WARS1: variants seen among roughly 807,000 people sequenced by gnomAD.
WARS1 encodes tryptophan--tRNA ligase, cytoplasmic.
WARS1 carries 17 observed loss-of-function variants against 47.8 expected under a neutral mutation model. The ratio of observed to expected loss-of-function variants is 0.36; its 90% CI spans 0.24 to 0.53. The LOEUF (loss-of-function observed/expected upper bound fraction) is 0.53. Ranked by LOEUF, WARS1 falls within the 20% of genes least tolerant of loss-of-function variation. WARS1 has a pLI of 0.91. For missense variants in WARS1, 434 were observed against 608.0 expected (o/e 0.71, Z 3.01); for synonymous variants, 208 against 228.1 (o/e 0.91, Z 0.79).
chr14:100,348,895 T>C (rs1894796651), intron 6 of WARS1, among the ~76,000 whole-genome samples: 1 of 152,224 alleles, frequency 6.6e-6, no homozygotes, highest in Admixed American at 6.5e-5. Flanking sequence ...GCTGCCACTG[T>C]GCTGGCTGCA....
At chr14:100,372,147 C>T (rs183026956) in intron 1 of WARS1, among the ~76,000 whole-genome samples, 28 of 152,206 alleles carry the variant, frequency 1.8e-4, no homozygotes, top group African/African-American at 6.3e-4. Context: ...AACGGCCCCA[C>T]TCCTATCTCC....
At chr14:100,341,493 T>C (rs1243715141) in intron 9 of WARS1, among the ~76,000 whole-genome samples, 1 of 152,304 alleles carries the variant, frequency 6.6e-6, no homozygotes, top group East Asian at 1.9e-4. Context: ...AGAGGGCATG[T>C]GACATGCCTC....
chr14:100,372,746 A>G lies in WARS1; in HGVS notation c.-74+2537T>C, dbSNP rs575595278. 7.9e-5 allele frequency among the ~76,000 whole-genome samples: 12 copies of G among 152,310 alleles called. No individual in the cohort carries two copies. The South Asian group carries it at 2.5e-3, about 32-fold the overall frequency. On this transcript the variant is annotated intron_variant, in intron 1 of 10. Transcript: ENST00000392882. Reference sequence around the variant, plus strand: ...AACTCTCAAAGCTGGGTGTTACTCTATGTGCCCTGCAATAGCAGACAAGAG... The same window carrying G: ...AACTCTCAAAGCTGGGTGTTACTCTGTGTGCCCTGCAATAGCAGACAAGAG...
At chr14:100,355,898 T>C (rs1368579291) in intron 4 of WARS1, among the ~76,000 whole-genome samples, 1 of 152,184 alleles carries the variant, frequency 6.6e-6, no homozygotes, top group Non-Finnish European at 1.5e-5. Context: ...CAACTAACCA[T>C]ATGGGCTTAC....
intron 7 of WARS1, 68 bp from the exon 8 acceptor site, chr14:100,343,455 G>A (rs1288811920): frequency 2.6e-6 from 3 of 1,173,760 alleles, no homozygotes; most frequent in Non-Finnish European, 3.6e-6. Context: ...ATAAAGGAAT[G>A]AACAAAAACA....
chr14:100,368,214 T>C (rs868731331), intron 2 of WARS1, among the ~76,000 whole-genome samples: 6 of 152,214 alleles, frequency 3.9e-5, no homozygotes, highest in South Asian at 2.1e-4. Flanking sequence ...ATTAGTATCA[T>C]TGACATAAAA....
chr14:100,346,076 A>C (rs1186210559), intron 7 of WARS1, among the ~76,000 whole-genome samples: 1 of 152,248 alleles, frequency 6.6e-6, no homozygotes, highest in African/African-American at 2.4e-5. Context: ...CCAAACATCA[A>C]GTAGAGGAGG....
chr14:100,363,315 C>T lies in WARS1; in HGVS notation c.100-1394G>A, dbSNP rs1022873893. Reference sequence around the variant, plus strand: ...GACCATCTGCATTTTGGAATAGCACCAAAATAAGACAAGCAGGCTTACCTT... The same window carrying T: ...GACCATCTGCATTTTGGAATAGCACTAAAATAAGACAAGCAGGCTTACCTT... On this transcript the variant is annotated intron_variant, in intron 2 of 10. Coordinates refer to ENST00000392882, the MANE Select transcript of WARS1 (RefSeq NM_004184.4). 3.3e-5 allele frequency among the ~76,000 whole-genome samples: 5 copies of T among 152,128 alleles called. 2 individuals carry two copies. Among genetic ancestry groups the T allele is most frequent in the Admixed American group, 2.0e-4 (3 of 15,280 alleles).
chr14:100,343,586 CTA>C, intron 7 of WARS1, among the ~76,000 whole-genome samples, 199 bp from the exon 8 acceptor site: 1 of 152,146 alleles, frequency 6.6e-6, no homozygotes, highest in Non-Finnish European at 1.5e-5. Context: ...ATATTTTACT[CTA>C]TGCATTTTTG....
rs955796258 is a variant in WARS1 at position 100,373,319 on chromosome 14, T to C, written c.-74+1964A>G. ...AACGTCCTGGTACTGAGTTGAGCTTTCCCACATCTAAGGAGAGCCAGGCTG... is the reference window on the plus strand; with the variant it reads ...AACGTCCTGGTACTGAGTTGAGCTTCCCCACATCTAAGGAGAGCCAGGCTG... On this transcript the variant is annotated intron_variant, in intron 1 of 10. Coordinates refer to ENST00000392882, the MANE Select transcript of WARS1 (RefSeq NM_004184.4). This position sits in a 1 kb window ranked among gnomAD's most constrained non-coding sequence, Gnocchi z 4.4. 6.6e-6 allele frequency among the ~76,000 whole-genome samples: 1 copy of C among 152,216 alleles called. No individual in the cohort carries two copies. The highest frequency in any genetic ancestry group is 2.4e-5 in the African/African-American group (1 of 41,444).
intron 6 of WARS1, among the ~76,000 whole-genome samples, chr14:100,348,325 CT>C (rs1261075166): frequency 8.5e-5 from 13 of 152,204 alleles, no homozygotes; most frequent in African/African-American, 3.1e-4. Context: ...AAGCACAATG[CT>C]GGGAGGCCTG....
At chr14:100,361,995 C>T in intron 2 of WARS1, 74 bp from the exon 3 acceptor site, 1 of 1,488,094 alleles carries the variant, frequency 6.7e-7, no homozygotes, top group South Asian at 1.2e-5. Context: ...TATTCTGTGG[C>T]AGGCACTGTG....
At chr14:100,359,394 G>T (rs1294162477) in intron 4 of WARS1, among the ~76,000 whole-genome samples, 8 of 152,178 alleles carry the variant, frequency 5.3e-5, no homozygotes, top group Admixed American at 5.2e-4. Flanking sequence ...AAAATGTTAT[G>T]CCAAGTAAAA....
chr14:100,339,483 G>A (rs1457788949), intron 9 of WARS1, among the ~76,000 whole-genome samples: 8 of 151,384 alleles, frequency 5.3e-5, no homozygotes, highest in African/African-American at 7.3e-5. Flanking sequence ...CCAGCTACTC[G>A]GGAGCCTTGA....
intron 9 of WARS1, chr14:100,340,523 C>T (rs1297539777): frequency 6.6e-6 from 1 of 152,250 alleles, no homozygotes; most frequent in East Asian, 1.9e-4. Context: ...CACTGTGCCA[C>T]CCCAGCTGGG....
intron 9 of WARS1, among the ~76,000 whole-genome samples, chr14:100,339,451 G>A (rs565659880): frequency 3.2e-4 from 48 of 152,134 alleles, no homozygotes; most frequent in Admixed American, 1.5e-3. Flanking sequence ...TTAGCTGGGT[G>A]TGGTGGTGGG....
intron 9 of WARS1, among the ~76,000 whole-genome samples, chr14:100,341,367 A>G (rs1265758789): frequency 2.6e-5 from 4 of 152,160 alleles, no homozygotes; most frequent in African/African-American, 4.8e-5. Context: ...CCAGCTTCCA[A>G]CTGAGTGGGG....
In WARS1 at chr14:100,369,083, G is replaced by A; in HGVS notation, c.99+4C>T. The A allele has an allele frequency of 6.5e-7, 1 of 1,534,088 alleles. No homozygotes were observed. Among genetic ancestry groups the A allele is most frequent in the South Asian group, 1.2e-5 (1 of 82,088 alleles). ...TTCGTGGAGAACCCAGCAAAATCAT[G>A]TACCTTTGACGCATTTCCCGCTTTG... On this transcript the variant is annotated splice_donor_region_variant and intron_variant, in intron 2 of 10. Transcript: ENST00000392882.
intron 2 of WARS1, chr14:100,365,498 C>T (rs1998902): frequency 0.72 from 181,939 of 251,634 alleles, 66,717 homozygotes; most frequent in East Asian, 0.84. Flanking sequence ...GAGAATCGCT[C>T]GAACTCAGGA....
Sources: allele counts gnomAD v4.1 joint callset (sites outside exome capture counted in the v4.1 genomes callset), GRCh38; gene constraint gnomAD v4.1.1; non-coding constraint Gnocchi (gnomAD v3.1); transcripts MANE v1.5; gene names NCBI Gene and HGNC (gene_info 2026-07-23, HGNC 2026-07-21).